The following KCMF1 variants were observed in gnomAD, a reference collection of about 807,000 sequenced individuals.
KCMF1 encodes the protein E3 ubiquitin-protein ligase KCMF1.
In KCMF1, 3 loss-of-function variants were observed where a neutral mutation model predicts 41.1. The observed-to-expected ratio is 0.07, with a 90% confidence interval of 0.03 to 0.19. The LOEUF is 0.19. KCMF1 is among the 10% of genes least tolerant of loss of function. KCMF1 has a pLI of 1.00. For missense variants in KCMF1, 286 were observed against 488.9 expected (o/e 0.58, Z 3.91); for synonymous variants, 142 against 164.5 (o/e 0.86, Z 1.04).
chr2:84,980,618 T>C (rs1252798749), intron 1 of KCMF1, among the ~76,000 whole-genome samples: 3 of 152,188 alleles, frequency 2.0e-5, no homozygotes, highest in Non-Finnish European at 4.4e-5. Flanking sequence ...CCAATTCATA[T>C]ACACAGTCAA....
chr2:85,051,806 G>A (rs919074340), intron 6 of KCMF1, among the ~76,000 whole-genome samples: 1 of 152,130 alleles, frequency 6.6e-6, no homozygotes, highest in African/African-American at 2.4e-5. Context: ...TTTACTGTTG[G>A]GCTTCTTAGA....
chr2:85,008,289 A>AT lies in KCMF1; in HGVS notation c.17-19600_17-19599insT, dbSNP rs1491509635. On this transcript the variant is annotated intron_variant, in intron 1 of 6. Coordinates refer to ENST00000409785, the MANE Select transcript of KCMF1 (RefSeq NM_020122.5). ...ATATATAATATATAATATGATATAT[A>AT]ATATATATAATATATAATATGATAT... Among the ~76,000 whole-genome samples the AT allele has an allele frequency of 9.9e-3, 487 of 49,350 alleles. 1 individual carries two copies. The highest frequency in any genetic ancestry group is 0.014 in the African/African-American group (146 of 10,492). The allele number at this position is 49,350 out of a possible 152,430, so 32.4% of individuals were successfully genotyped here. A position where few individuals can be genotyped will look rare whatever the true frequency, so the allele number is the denominator to read the frequency against.
At chr2:85,034,499 T>G (rs1394634670) in intron 2 of KCMF1, among the ~76,000 whole-genome samples, 1 of 152,146 alleles carries the variant, frequency 6.6e-6, no homozygotes. Flanking sequence ...AGGATGGAGT[T>G]GTTTGTCTCG....
intron 5 of KCMF1, among the ~76,000 whole-genome samples, chr2:85,048,598 A>G (rs1397802550): frequency 1.3e-5 from 2 of 152,360 alleles, no homozygotes; most frequent in East Asian, 3.9e-4. Context: ...TCCACTTGGA[A>G]GAAGGCATTT....
intron 5 of KCMF1, 93 bp downstream of exon 5, chr2:85,046,371 T>A: frequency 1.1e-6 from 1 of 943,728 alleles, no homozygotes; most frequent in Non-Finnish European, 1.6e-6. Context: ...GGCTCACACC[T>A]TTAATCCCAG....
intron 4 of KCMF1, among the ~76,000 whole-genome samples, chr2:85,044,115 A>C (rs17761730): frequency 0.015 from 2,326 of 152,278 alleles, 30 homozygotes; most frequent in South Asian, 0.063. Flanking sequence ...GTTTTCATAC[A>C]AAAGAGGAAA....
intron 1 of KCMF1, among the ~76,000 whole-genome samples, chr2:84,980,829 T>C (rs548953217): frequency 1.3e-5 from 2 of 151,904 alleles, no homozygotes; most frequent in East Asian, 3.9e-4. Context: ...TTTGTAGAGA[T>C]AGGGTCTCAT....
chr2:85,057,985 C>T lies in KCMF1; in HGVS notation c.*4576C>T, dbSNP rs976850634. The T allele has an allele frequency of 1.3e-5, 2 of 152,162 alleles. No individual in the cohort carries two copies. Among genetic ancestry groups the T allele is most frequent in the African/African-American group, 4.8e-5 (2 of 41,420 alleles). The allele number at this position is 152,162 out of a possible 1,614,324, so 9.4% of individuals were successfully genotyped here. ...AGTAAGTCAGTTAACTTTACAGCAA[C>T]TAAAGAGATCAATTAAAAAGAACCC... is the stretch of plus-strand genomic sequence containing the variant. On this transcript the variant is annotated 3_prime_UTR_variant, in exon 7 of 7. Transcript: ENST00000409785.
chr2:85,007,766 T>G (rs1464248682), intron 1 of KCMF1, among the ~76,000 whole-genome samples: 1 of 152,130 alleles, frequency 6.6e-6, no homozygotes, highest in Non-Finnish European at 1.5e-5. Context: ...AGGTGCTAAT[T>G]GTGTTTTTCT....
At chr2:85,030,136 G>A (rs898997142) in intron 2 of KCMF1, among the ~76,000 whole-genome samples, 1 of 152,034 alleles carries the variant, frequency 6.6e-6, no homozygotes, top group South Asian at 2.1e-4. Flanking sequence ...TGGGCCATTT[G>A]TATATCTACT....
At chr2:85,033,973 A>G (rs1230086174) in intron 2 of KCMF1, among the ~76,000 whole-genome samples, 2 of 151,498 alleles carry the variant, frequency 1.3e-5, no homozygotes, top group African/African-American at 2.4e-5. Flanking sequence ...ACTTGAGCCT[A>G]GGAGTTCAAA....
chr2:84,981,623 G>C (rs894414304), intron 1 of KCMF1, among the ~76,000 whole-genome samples: 1 of 152,096 alleles, frequency 6.6e-6, no homozygotes. Flanking sequence ...TTGATGAGTT[G>C]ACTTGGAACA....
chr2:85,020,714 G>A (rs561114998), intron 1 of KCMF1, among the ~76,000 whole-genome samples: 4 of 152,284 alleles, frequency 2.6e-5, no homozygotes, highest in South Asian at 4.1e-4. Context: ...TTACAGGCCT[G>A]AGCCACTGCG....
chr2:85,005,161 C>A (rs1010936858), intron 1 of KCMF1, among the ~76,000 whole-genome samples: 2 of 152,156 alleles, frequency 1.3e-5, no homozygotes, highest in Non-Finnish European at 2.9e-5. Flanking sequence ...CCCGCCTCAG[C>A]CTCCCAAAGT....
rs1553382233 is a variant in KCMF1, at chr2:85,034,034, A to AT, written c.185-972dup. 2.1e-3 allele frequency among the ~76,000 whole-genome samples: 315 copies of AT among 149,496 alleles called. 1 individual carries two copies. The highest frequency in any genetic ancestry group is 6.8e-3 in the African/African-American group (274 of 40,496). On this transcript the variant is annotated intron_variant, in intron 2 of 6. Transcript: ENST00000409785. ...CCCATCTTTCCAAAAAAAAAAAAAAATTTTTTTTTTAATTAGCCGGATGTG... is the reference window on the plus strand; with the variant it reads ...CCCATCTTTCCAAAAAAAAAAAAAAATTTTTTTTTTTAATTAGCCGGATGTG...
At chr2:85,009,716 GT>G (rs1318520685) in intron 1 of KCMF1, among the ~76,000 whole-genome samples, 4 of 151,898 alleles carry the variant, frequency 2.6e-5, no homozygotes, top group African/African-American at 4.8e-5. Context: ...TAATCCCTCT[GT>G]TTTCAATAAA....
intron 1 of KCMF1, among the ~76,000 whole-genome samples, chr2:84,992,882 A>G (rs890246462): frequency 6.6e-6 from 1 of 152,048 alleles, no homozygotes; most frequent in African/African-American, 2.4e-5. Context: ...GGCCTCCCAA[A>G]GTGCTGAGAT....
intron 1 of KCMF1, chr2:85,013,850 G>A (rs908425756): frequency 6.6e-6 from 1 of 151,976 alleles, no homozygotes; most frequent in Admixed American, 6.6e-5. Context: ...AGGCAGGGGT[G>A]GGGGAGGGGA....
intron 1 of KCMF1, among the ~76,000 whole-genome samples, chr2:85,024,896 G>C (rs547696979): frequency 2.7e-3 from 410 of 152,100 alleles, no homozygotes; most frequent in African/African-American, 9.0e-3. Flanking sequence ...ATCTGTTTCT[G>C]GTCTTTCCGT....
Sources: allele counts gnomAD v4.1 joint callset (sites outside exome capture counted in the v4.1 genomes callset), GRCh38; gene constraint gnomAD v4.1.1; transcripts MANE v1.5; gene names NCBI Gene and HGNC (gene_info 2026-07-23, HGNC 2026-07-21).